Variants in WAPL observed in about 807,000 individuals in gnomAD.
WAPL encodes wings apart-like protein homolog.
WAPL carries 5 observed loss-of-function variants against 121.0 expected under a neutral mutation model. That is an observed-to-expected ratio of 0.04 (90% CI 0.02 to 0.09). The LOEUF (loss-of-function observed/expected upper bound fraction) is 0.09, where lower values mean the gene tolerates loss of function less well. Among genes scored for constraint, WAPL ranks in the 10% least tolerant of loss-of-function variants. WAPL has a pLI of 1.00. For missense variants in WAPL, 999 were observed against 1,410.8 expected, an observed-to-expected ratio of 0.71 and a Z score of 4.68; for synonymous variants, 480 against 481.5, an observed-to-expected ratio of 1.00 and a Z score of 0.04.
rs776730139 is a variant in WAPL at position 86,472,806 on chromosome 10, A to G, written c.1741-42T>C. On this transcript the variant is annotated intron_variant, in intron 5 of 18. Transcript: ENST00000298767. This position sits in a 1 kb window ranked among gnomAD's most constrained non-coding sequence, Gnocchi z 4.2. ...TAAATTAGTTGTTCTAAATAAATAT[A>G]TAAAAATAGGAACGTCTCATCTATC... 17 of 1,511,298 alleles carry G rather than the reference A, an allele frequency of 1.1e-5. No homozygotes were observed. The highest frequency in any genetic ancestry group is 2.2e-5 in the Admixed American group (1 of 46,328). The allele number at this position is 1,511,298 out of a possible 1,614,324, so 93.6% of individuals were successfully genotyped here. A position where few individuals can be genotyped will look rare whatever the true frequency, so the allele number is the denominator to read the frequency against.
At chr10:86,476,944 T>C (rs1480124409) in intron 4 of WAPL, among the ~76,000 whole-genome samples, 1 of 152,222 alleles carries the variant, frequency 6.6e-6, no homozygotes, top group Non-Finnish European at 1.5e-5. Flanking sequence ...CTTTTGGTTA[T>C]GCTGTTGAAC....
chr10:86,471,127 G>T (rs779178516), intron 7 of WAPL, 24 bp from the exon 8 acceptor site: 1 of 1,601,542 alleles, frequency 6.2e-7, no homozygotes, highest in Admixed American at 1.7e-5. Context: ...GAGCAGGTTA[G>T]GGGGGCTGGA....
chr10:86,450,317 C>T (rs1277196633), intron 15 of WAPL, among the ~76,000 whole-genome samples: 1 of 152,182 alleles, frequency 6.6e-6, no homozygotes, highest in African/African-American at 2.4e-5. Flanking sequence ...CTCACGACAA[C>T]TTCAAACTCC....
At chr10:86,449,664 A>C (rs1840923919) in intron 15 of WAPL, among the ~76,000 whole-genome samples, 1 of 152,248 alleles carries the variant, frequency 6.6e-6, no homozygotes, top group Non-Finnish European at 1.5e-5. Context: ...TTATGTGGAT[A>C]ATGCAGATCT....
Position 86,500,470 on chromosome 10 carries a change from T to A in WAPL, c.773A>T (p.Asp258Val), listed in dbSNP as rs200768020. ...GTCATCCTTCATCTCCAAAAGGGGATCACTATCCAAACTTAAAATACAGTC... is the reference window on the plus strand; with the variant it reads ...GTCATCCTTCATCTCCAAAAGGGGAACACTATCCAAACTTAAAATACAGTC... ...SEDCILSLDSDPLLEMKDDDF... is the reference protein window; with the variant it reads ...SEDCILSLDSVPLLEMKDDDF... The change falls in exon 3 of 19, where the codon GAT becomes GTT. Residue 258 changes from aspartate to valine, a missense_variant. Coordinates refer to ENST00000298767, the MANE Select transcript of WAPL (RefSeq NM_015045.5). 1 of 1,614,232 alleles carries A rather than the reference T, an allele frequency of 6.2e-7. No homozygotes were observed. Among genetic ancestry groups the A allele is most frequent in the Non-Finnish European group, 8.5e-7 (1 of 1,180,048 alleles).
At chr10:86,517,367 A>G (rs1169021117) in intron 2 of WAPL, among the ~76,000 whole-genome samples, 1 of 152,248 alleles carries the variant, frequency 6.6e-6, no homozygotes, top group Admixed American at 6.5e-5. Flanking sequence ...GCAACAGTCT[A>G]TAAATGTTAA....
intron 9 of WAPL, among the ~76,000 whole-genome samples, chr10:86,463,576 C>T (rs1264257852): frequency 1.3e-5 from 2 of 152,130 alleles, no homozygotes; most frequent in African/African-American, 4.8e-5. Flanking sequence ...TAGAGCTATA[C>T]AATTTGTGTT....
chr10:86,488,063 G>T (rs1347892764), intron 4 of WAPL, among the ~76,000 whole-genome samples: 1 of 152,068 alleles, frequency 6.6e-6, no homozygotes, highest in East Asian at 1.9e-4. Context: ...GTGAAAATAA[G>T]AACACATGTG....
chr10:86,446,625 CG>C (rs1564561983), intron 15 of WAPL, among the ~76,000 whole-genome samples, 176 bp from the exon 16 acceptor site: 1 of 152,018 alleles, frequency 6.6e-6, no homozygotes, highest in African/African-American at 2.4e-5. Flanking sequence ...AAAGCCAAAA[CG>C]AAAGTATAAA....
intron 4 of WAPL, among the ~76,000 whole-genome samples, chr10:86,496,392 G>C (rs1191332337): frequency 6.6e-6 from 1 of 152,086 alleles, no homozygotes; most frequent in Non-Finnish European, 1.5e-5. Context: ...CAGTTCCTCA[G>C]AAAGTTATAG....
chr10:86,496,378 T>C, intron 4 of WAPL, among the ~76,000 whole-genome samples: 1 of 151,702 alleles, frequency 6.6e-6, no homozygotes, highest in South Asian at 2.1e-4. Flanking sequence ...AGAGAACAGT[T>C]TGGCAGTTCC....
Position 86,518,009 on chromosome 10 carries a change from C to T in WAPL, c.61G>A (p.Asp21Asn), listed in dbSNP as rs745702769. 6.2e-7 allele frequency: 1 copy of T among 1,614,144 alleles called. No homozygotes were observed. Among genetic ancestry groups the T allele is most frequent in the East Asian group, 2.2e-5 (1 of 44,878 alleles). Residue 21 changes from aspartate (D) to asparagine (N), a missense_variant, in exon 2 of 19, where the codon GAT (aspartate) becomes AAT (asparagine). Physicochemically the swap from Asp to Asn is conservative, Grantham distance 23. Around this residue, in one of 7 missense-constraint regions of WAPL, gnomAD observed 30 missense variants for 56.4 expected, o/e 0.53. Transcript: ENST00000298767. Reference sequence around the variant, plus strand: ...GTCCGTTTGTTGGAAAAGACTTCATCGAATTTTGAACTGCCATTTCCACCT... The same window carrying T: ...GTCCGTTTGTTGGAAAAGACTTCATTGAATTTTGAACTGCCATTTCCACCT... ...RKGGNGSSKF[D>N]EVFSNKRTTL...
Position 86,472,787 on chromosome 10 carries a change from AGTT to A in WAPL, c.1741-26_1741-24del. ...CACCTATTAATAAAGGTATTAAATTAGTTGTTCTAAATAAATATATAAAAATAG... is the reference window on the plus strand; with the variant it reads ...CACCTATTAATAAAGGTATTAAATTAGTTCTAAATAAATATATAAAAATAG... On this transcript the variant is annotated intron_variant, in intron 5 of 18. Transcript: ENST00000298767. The surrounding 1 kb of genome is among the most constrained non-coding windows in gnomAD (Gnocchi z 4.2). 1 of 1,576,530 alleles carries A rather than the reference AGTT, an allele frequency of 6.3e-7. No homozygotes were observed. Among genetic ancestry groups the A allele is most frequent in the Non-Finnish European group, 8.6e-7 (1 of 1,163,180 alleles).
intron 9 of WAPL, among the ~76,000 whole-genome samples, chr10:86,462,792 AAC>A (rs144499053): frequency 0.12 from 17,526 of 151,650 alleles, 1,188 homozygotes; most frequent in Middle Eastern, 0.17. Flanking sequence ...ATACCACAAA[AAC>A]AGATACAATT....
intron 4 of WAPL, among the ~76,000 whole-genome samples, chr10:86,485,544 A>G (rs1401820079): frequency 6.6e-6 from 1 of 151,922 alleles, no homozygotes; most frequent in African/African-American, 2.4e-5. Context: ...ATCCAAAACA[A>G]AAAAAAAGAT....
intron 15 of WAPL, among the ~76,000 whole-genome samples, chr10:86,448,581 A>G (rs908885557): frequency 6.6e-6 from 1 of 152,242 alleles, no homozygotes; most frequent in Non-Finnish European, 1.5e-5. Flanking sequence ...TACTATGTAC[A>G]GTAAGAGTCC....
rs1174889286 is a variant in WAPL at position 86,493,093 on chromosome 10, A to AT, written c.1644+4107dup. 2.6e-5 allele frequency among the ~76,000 whole-genome samples: 4 copies of AT among 151,948 alleles called. No homozygotes were observed. In the East Asian group the frequency reaches 5.8e-4, roughly 22 times the overall value. ...AAAAAAAAATTCAGGACCAAGGGGA[A>AT]TTTTTTTCAAAGGGGGGTACTGTTC... On this transcript the variant is annotated intron_variant, in intron 4 of 18. Transcript: ENST00000298767.
At chr10:86,475,929 G>C (rs1841640226) in intron 4 of WAPL, among the ~76,000 whole-genome samples, 2 of 152,210 alleles carry the variant, frequency 1.3e-5, no homozygotes, top group Non-Finnish European at 2.9e-5. Flanking sequence ...GCCAGTAATT[G>C]CAGCACGCCT....
At chr10:86,451,040 C>T (rs929847432) in intron 15 of WAPL, among the ~76,000 whole-genome samples, 1 of 151,978 alleles carries the variant, frequency 6.6e-6, no homozygotes, top group African/African-American at 2.4e-5. Flanking sequence ...AAGTTCTGGA[C>T]ACAGATCAGA....
Sources: allele counts gnomAD v4.1 joint callset (sites outside exome capture counted in the v4.1 genomes callset), GRCh38; gene constraint gnomAD v4.1.1; regional missense constraint gnomAD v4.1.1; non-coding constraint Gnocchi (gnomAD v3.1); transcripts MANE v1.5; gene names NCBI Gene and HGNC (gene_info 2026-07-23, HGNC 2026-07-21).